TRPS1: variants seen among roughly 807,000 people sequenced by gnomAD.
TRPS1 encodes zinc finger transcription factor Trps1.
TRPS1 carries 6 observed loss-of-function variants against 101.2 expected under a neutral mutation model. That is an observed-to-expected ratio of 0.06 (90% CI 0.03 to 0.12). The LOEUF (loss-of-function observed/expected upper bound fraction) is 0.12, where lower values mean the gene tolerates loss of function less well. Ranked by LOEUF, TRPS1 falls within the 10% of genes least tolerant of loss-of-function variation. The pLI, the probability that TRPS1 is intolerant of heterozygous loss-of-function variation, is 1.00. For synonymous variants in TRPS1, 578 were observed against 589.8 expected (o/e 0.98, Z 0.29); for missense variants, 1,363 against 1,567.0 (o/e 0.87, Z 2.20).
intron 1 of TRPS1, among the ~76,000 whole-genome samples, chr8:115,661,083 C>T (rs1028855557): frequency 6.6e-6 from 1 of 151,992 alleles, no homozygotes; most frequent in Non-Finnish European, 1.5e-5. Context: ...CCCTTAACTG[C>T]TCCTCTTAAC....
chr8:115,551,864 G>A (rs554947273), intron 5 of TRPS1, among the ~76,000 whole-genome samples: 9 of 152,060 alleles, frequency 5.9e-5, no homozygotes, highest in Non-Finnish European at 1.0e-4. Flanking sequence ...CCCCTTTATC[G>A]CTGGCTTGCT....
chr8:115,576,079 T>A (rs1817310901), intron 5 of TRPS1, among the ~76,000 whole-genome samples: 2 of 152,166 alleles, frequency 1.3e-5, no homozygotes, highest in Non-Finnish European at 2.9e-5. Context: ...TTGTGCTTAC[T>A]TTCCTTTAAC....
At chr8:115,435,979 T>C (rs113106368) in intron 5 of TRPS1, among the ~76,000 whole-genome samples, 1 of 144,744 alleles carries the variant, frequency 6.9e-6, no homozygotes, top group Non-Finnish European at 1.5e-5. Context: ...TACTTCTAAA[T>C]GCTACAACAA....
intron 1 of TRPS1, among the ~76,000 whole-genome samples, chr8:115,628,225 C>A (rs934304321): frequency 7.2e-5 from 11 of 151,772 alleles, no homozygotes; most frequent in African/African-American, 2.7e-4. Flanking sequence ...ATGGCCTGCA[C>A]CCATCTGAGA....
chr8:115,451,962 T>C (rs1275101534), intron 5 of TRPS1, among the ~76,000 whole-genome samples: 2 of 152,088 alleles, frequency 1.3e-5, no homozygotes, highest in Admixed American at 1.3e-4. Context: ...TCCTACTCCC[T>C]CCCCAACCCC....
chr8:115,551,905 G>C (rs1254409339), intron 5 of TRPS1, among the ~76,000 whole-genome samples: 1 of 152,148 alleles, frequency 6.6e-6, no homozygotes, highest in African/African-American at 2.4e-5. Flanking sequence ...CAGTCCGTCT[G>C]CTCTCACCTC....
At chr8:115,439,571 C>A (rs919963142) in intron 5 of TRPS1, among the ~76,000 whole-genome samples, 2 of 152,110 alleles carry the variant, frequency 1.3e-5, no homozygotes, top group African/African-American at 4.8e-5. Flanking sequence ...ATTTAAAGAG[C>A]ACAGTTTTTC....
chr8:115,472,967 A>C (rs4422804), intron 5 of TRPS1, among the ~76,000 whole-genome samples: 39,207 of 152,122 alleles, frequency 0.26, 5,920 homozygotes, highest in Middle Eastern at 0.45. Flanking sequence ...ATGTTACTCA[A>C]AGCCATTCAA....
At chr8:115,646,166 G>C (rs1287019509) in intron 1 of TRPS1, among the ~76,000 whole-genome samples, 1 of 152,100 alleles carries the variant, frequency 6.6e-6, no homozygotes, top group Non-Finnish European at 1.5e-5. Flanking sequence ...TCAATCGTTT[G>C]ACATTCACCA....
chr8:115,616,649 T>C (rs777809392), intron 3 of TRPS1, among the ~76,000 whole-genome samples: 4 of 152,178 alleles, frequency 2.6e-5, no homozygotes, highest in Non-Finnish European at 5.9e-5. Flanking sequence ...TTACTTCAAT[T>C]AGCTTAAATT....
chr8:115,521,884 T>A (rs996630312), intron 5 of TRPS1, among the ~76,000 whole-genome samples: 1 of 151,928 alleles, frequency 6.6e-6, no homozygotes, highest in East Asian at 1.9e-4. Flanking sequence ...TTAAGTATAT[T>A]CCAAGATTAC....
intron 5 of TRPS1, among the ~76,000 whole-genome samples, chr8:115,532,337 G>A (rs1816157321): frequency 6.6e-6 from 1 of 151,640 alleles, no homozygotes; most frequent in African/African-American, 2.4e-5. Flanking sequence ...AATAGATGAA[G>A]AATCTATAAC....
At position 115,411,738 on chromosome 8, in the gene TRPS1, C is replaced by G. The variant is rs543751321; in HGVS notation, c.*2285G>C. On this transcript the variant is annotated 3_prime_UTR_variant, in exon 7 of 7. Transcript: ENST00000395715. ...GTGAGATCAGAATAAGGCCCGTTAA[C>G]AATGAAACTGAAGCAGAGGACTTAG... The G allele has an allele frequency of 1.2e-4, 18 of 152,392 alleles. 1 individual carries two copies. In the South Asian group the frequency reaches 3.7e-3, roughly 32 times the overall value. The allele number at this position is 152,392 out of a possible 1,614,324, so 9.4% of individuals were successfully genotyped here. A position where few individuals can be genotyped will look rare whatever the true frequency, so the allele number is the denominator to read the frequency against.
chr8:115,653,712 G>A (rs1192687792), intron 1 of TRPS1, among the ~76,000 whole-genome samples: 1 of 152,132 alleles, frequency 6.6e-6, no homozygotes, highest in Non-Finnish European at 1.5e-5. Flanking sequence ...CTGCCTTCTG[G>A]CTAAAAGACA....
At chr8:115,620,241 A>G (rs936997299) in intron 2 of TRPS1, among the ~76,000 whole-genome samples, 181 bp from the exon 3 acceptor site, 1 of 152,008 alleles carries the variant, frequency 6.6e-6, no homozygotes, top group Admixed American at 6.6e-5. Flanking sequence ...CAAACAATTT[A>G]CATTTAGAAT....
chr8:115,498,023 G>C (rs993054162), intron 5 of TRPS1, among the ~76,000 whole-genome samples: 1 of 152,084 alleles, frequency 6.6e-6, no homozygotes, highest in Admixed American at 6.6e-5. Context: ...AAAAACAATG[G>C]ACAGGTGTAA....
chr8:115,433,838 T>A (rs1408091636), intron 5 of TRPS1, among the ~76,000 whole-genome samples: 1 of 152,094 alleles, frequency 6.6e-6, no homozygotes. Context: ...TTACAAGAGG[T>A]GGAGGCATTT....
At chr8:115,441,182 G>T (rs1267962613) in intron 5 of TRPS1, among the ~76,000 whole-genome samples, 1 of 152,158 alleles carries the variant, frequency 6.6e-6, no homozygotes, top group Admixed American at 6.5e-5. Flanking sequence ...TAAATACACC[G>T]AAAGGTTCAG....
intron 5 of TRPS1, among the ~76,000 whole-genome samples, chr8:115,577,218 A>G (rs1817339362): frequency 6.6e-6 from 1 of 152,156 alleles, no homozygotes; most frequent in African/African-American, 2.4e-5. Flanking sequence ...AAAATAGCAA[A>G]TAATTATTTT....
Sources: gnomAD v4.1 joint callset for allele counts (sites outside exome capture counted in the v4.1 genomes callset) on GRCh38, gnomAD v4.1.1 for gene constraint, MANE v1.5 for transcripts, NCBI Gene and HGNC (gene_info 2026-07-23, HGNC 2026-07-21) for gene names.